Variants in MYO3B observed in about 807,000 individuals in gnomAD.
MYO3B encodes myosin-IIIb.
A neutral mutation model predicts 174.6 loss-of-function variants in MYO3B; 156 were observed. The ratio of observed to expected loss-of-function variants is 0.89; its 90% CI spans 0.78 to 1.02. The LOEUF is 1.02. Among genes scored for constraint, MYO3B ranks in the 50% least tolerant of loss-of-function variants. MYO3B has a pLI of 0.00. For missense variants in MYO3B, 1,632 were observed against 1,639.4 expected (o/e 1.00, Z 0.08); for synonymous variants, 563 against 569.1 (o/e 0.99, Z 0.15).
intron 25 of MYO3B, among the ~76,000 whole-genome samples, chr2:170,479,381 A>G (rs1436417680): frequency 6.8e-6 from 1 of 146,924 alleles, no homozygotes; most frequent in Non-Finnish European, 1.5e-5. Context: ...AATAATATAT[A>G]GAATATAATT....
intron 7 of MYO3B, among the ~76,000 whole-genome samples, chr2:170,248,754 A>G (rs939128237): frequency 6.6e-6 from 1 of 152,174 alleles, no homozygotes; most frequent in Non-Finnish European, 1.5e-5. Context: ...GGACCCACCA[A>G]GGTAATCCAG....
chr2:170,191,423 G>A lies in MYO3B; in HGVS notation c.3-7785G>A, dbSNP rs1400670396. Among the ~76,000 whole-genome samples the A allele has an allele frequency of 2.0e-5, 3 of 151,966 alleles. No individual in the cohort carries two copies. The East Asian group carries it at 5.8e-4, about 29-fold the overall frequency. On this transcript the variant is annotated intron_variant, in intron 1 of 34. Transcript: ENST00000408978. ...CTTGCCCAGGAATTGCAGTCTTTGT[G>A]GCCTAGACTACCTTTCAGATTTCTT...
intron 32 of MYO3B, among the ~76,000 whole-genome samples, chr2:170,626,452 C>T (rs1447227128): frequency 1.3e-5 from 2 of 152,094 alleles, no homozygotes; most frequent in South Asian, 2.1e-4. Context: ...TGTCTCTGCA[C>T]GTGAGATGGG....
intron 32 of MYO3B, among the ~76,000 whole-genome samples, chr2:170,644,263 C>T (rs1698201945): frequency 6.6e-6 from 1 of 151,344 alleles, no homozygotes; most frequent in Non-Finnish European, 1.5e-5. Context: ...ATCTGAAATT[C>T]AAATCTATCT....
At chr2:170,534,045 T>G (rs893612467) in intron 30 of MYO3B, among the ~76,000 whole-genome samples, 19 of 152,250 alleles carry the variant, frequency 1.2e-4, no homozygotes, top group Non-Finnish European at 2.9e-5. Flanking sequence ...TTGAAAATAC[T>G]TTTACTAAAT....
chr2:170,610,039 A>G (rs1695039914), intron 32 of MYO3B, among the ~76,000 whole-genome samples: 1 of 152,268 alleles, frequency 6.6e-6, no homozygotes, highest in African/African-American at 2.4e-5. Flanking sequence ...GCCCACCTCA[A>G]GAATTTTATT....
intron 32 of MYO3B, among the ~76,000 whole-genome samples, chr2:170,635,937 CTTGT>C (rs1255198175): frequency 2.0e-5 from 3 of 152,142 alleles, no homozygotes; most frequent in South Asian, 2.1e-4. Flanking sequence ...TGAACCCAGG[CTTGT>C]TTTAGAATTA....
intron 25 of MYO3B, among the ~76,000 whole-genome samples, chr2:170,472,842 A>T (rs1685060109): frequency 6.6e-6 from 1 of 151,666 alleles, no homozygotes; most frequent in African/African-American, 2.4e-5. Flanking sequence ...GCTGGGCCAC[A>T]GGCGTGCACC....
intron 3 of MYO3B, among the ~76,000 whole-genome samples, chr2:170,200,939 C>G (rs1319971010): frequency 6.6e-6 from 1 of 152,138 alleles, no homozygotes; most frequent in African/African-American, 2.4e-5. Context: ...TGCGAAGGAG[C>G]GTGACTTTGG....
intron 32 of MYO3B, among the ~76,000 whole-genome samples, chr2:170,607,340 C>A (rs2106354341): frequency 6.6e-6 from 1 of 152,346 alleles, no homozygotes; most frequent in East Asian, 1.9e-4. Context: ...AGGTTTCTTT[C>A]GCATTTGTGC....
intron 32 of MYO3B, among the ~76,000 whole-genome samples, chr2:170,635,558 A>G (rs892671288): frequency 1.3e-5 from 2 of 152,202 alleles, no homozygotes; most frequent in African/African-American, 4.8e-5. Context: ...ACACATGTAT[A>G]CATATGTAAC....
chr2:170,451,185 T>C (rs1186638569), intron 23 of MYO3B, among the ~76,000 whole-genome samples: 1 of 152,280 alleles, frequency 6.6e-6, no homozygotes, highest in Non-Finnish European at 1.5e-5. Context: ...CTTTTTCCAG[T>C]GGACTCAAGT....
At chr2:170,429,268 C>T (rs1016757986) in intron 22 of MYO3B, among the ~76,000 whole-genome samples, 5 of 152,126 alleles carry the variant, frequency 3.3e-5, no homozygotes, top group Non-Finnish European at 5.9e-5. Flanking sequence ...ACTACCTGAC[C>T]CATATGAGAT....
At chr2:170,432,409 T>C (rs1421180323) in intron 22 of MYO3B, among the ~76,000 whole-genome samples, 1 of 152,038 alleles carries the variant, frequency 6.6e-6, no homozygotes, top group African/African-American at 2.4e-5. Flanking sequence ...CTTAAAAATT[T>C]AAAAAGGCTT....
intron 32 of MYO3B, chr2:170,643,921 G>C (rs1698170699): frequency 6.6e-6 from 1 of 152,212 alleles, no homozygotes; most frequent in Non-Finnish European, 1.5e-5. Context: ...AAGCTTGCTA[G>C]GAAATTTACC....
At chr2:170,354,087 C>T (rs2094100146) in intron 8 of MYO3B, among the ~76,000 whole-genome samples, 1 of 152,234 alleles carries the variant, frequency 6.6e-6, no homozygotes, top group Admixed American at 6.5e-5. Context: ...CTGTCCTTGG[C>T]AACATAGTAT....
At chr2:170,626,277 C>A (rs1696421860) in intron 32 of MYO3B, among the ~76,000 whole-genome samples, 1 of 152,164 alleles carries the variant, frequency 6.6e-6, no homozygotes, top group African/African-American at 2.4e-5. Flanking sequence ...GTTAGCTCTT[C>A]TTGTTGAATT....
intron 7 of MYO3B, among the ~76,000 whole-genome samples, chr2:170,328,069 GTGT>G (rs1396397288): frequency 2.6e-5 from 4 of 151,764 alleles, no homozygotes; most frequent in Non-Finnish European, 4.4e-5. Flanking sequence ...GCCTGGCTAA[GTGT>G]TGTATTTTTA....
At chr2:170,199,134 A>T in intron 1 of MYO3B, 74 bp from the exon 2 acceptor site, 1 of 1,041,256 alleles carries the variant, frequency 9.6e-7, no homozygotes, top group Non-Finnish European at 1.3e-6. Flanking sequence ...AGAAATAAAA[A>T]TCTTTTTGTT....
Sources: allele counts gnomAD v4.1 joint callset (sites outside exome capture counted in the v4.1 genomes callset), GRCh38; gene constraint gnomAD v4.1.1; transcripts MANE v1.5; gene names NCBI Gene and HGNC (gene_info 2026-07-23, HGNC 2026-07-21).